The following PITPNM3 variants were observed in gnomAD, a reference collection of about 807,000 sequenced individuals.
PITPNM3 encodes PITPNM family member 3.
PITPNM3 carries 26 observed loss-of-function variants against 102.0 expected under a neutral mutation model. The ratio of observed to expected loss-of-function variants is 0.25; its 90% CI spans 0.19 to 0.35. The LOEUF (loss-of-function observed/expected upper bound fraction) is 0.35, where lower values mean the gene tolerates loss of function less well. Ranked by LOEUF, PITPNM3 falls within the 10% of genes least tolerant of loss-of-function variation. PITPNM3 has a pLI of 1.00. For missense variants in PITPNM3, 1,083 were observed against 1,346.1 expected, an observed-to-expected ratio of 0.80 and a Z score of 3.06; for synonymous variants, 578 against 558.6, an observed-to-expected ratio of 1.03 and a Z score of -0.49.
At chr17:6,464,046 C>T (rs1263613556) in intron 16 of PITPNM3, 124 bp downstream of exon 16, 2 of 1,558,282 alleles carry the variant, frequency 1.3e-6, no homozygotes, top group African/African-American at 2.7e-5. Flanking sequence ...CCATCCACCT[C>T]TGTCCATGCA....
Position 6,483,583 on chromosome 17 carries a change from C to T in PITPNM3, c.521G>A (p.Gly174Asp). 1 of 1,614,036 alleles carries T rather than the reference C, an allele frequency of 6.2e-7. No individual in the cohort carries two copies. The highest frequency in any genetic ancestry group is 8.5e-7 in the Non-Finnish European group (1 of 1,180,002). The change falls in exon 6 of 20, where the codon GGC (glycine) becomes GAC (aspartate). Residue 174 changes from glycine to aspartate, a missense_variant. Gly to Asp is a moderately conservative substitution (Grantham distance 94). Around this residue, in one of 5 missense-constraint regions of PITPNM3, gnomAD observed 290 missense variants for 337.8 expected, o/e 0.86. Transcript: ENST00000262483. ...GGGGACGAACTTGATGAGGATGTGG[C>T]CCAGGGCAGCAGGGAAATGGGCTCG... ...VTRAHFPAAL[G>D]HILIKFVPCP...
intron 10 of PITPNM3, among the ~76,000 whole-genome samples, chr17:6,473,596 G>A (rs369712336): frequency 2.6e-5 from 4 of 152,162 alleles, no homozygotes; most frequent in East Asian, 3.9e-4. Flanking sequence ...GTCCTTAAGA[G>A]TCACAGATAC....
chr17:6,465,950 A>G (rs1904744782), intron 14 of PITPNM3, among the ~76,000 whole-genome samples: 1 of 152,196 alleles, frequency 6.6e-6, no homozygotes, highest in South Asian at 2.1e-4. Context: ...TCCCTGCAAC[A>G]GATCCTCTGT....
At position 6,457,081 on chromosome 17, in the gene PITPNM3, C is replaced by A. The variant is rs779402641; in HGVS notation, c.2619+513G>T. On this transcript the variant is annotated intron_variant, in intron 19 of 19. Coordinates refer to ENST00000262483, the MANE Select transcript of PITPNM3 (RefSeq NM_031220.4). The surrounding 1 kb of genome is among the most constrained non-coding windows in gnomAD (Gnocchi z 4.7). ...TGACCGTTCTAGCCCCGCCCCCCCA[C>A]CTCCCAGCTCACGTCCCATGCAGCC... 6.6e-6 allele frequency among the ~76,000 whole-genome samples: 1 copy of A among 151,128 alleles called. No homozygotes were observed. Among genetic ancestry groups the A allele is most frequent in the Non-Finnish European group, 1.5e-5 (1 of 67,656 alleles).
In PITPNM3 at chr17:6,495,421, C is replaced by T. The variant is rs139388457; in HGVS notation, c.274+8106G>A. Among the ~76,000 whole-genome samples the T allele has an allele frequency of 3.9e-5, 6 of 152,266 alleles. No individual in the cohort carries two copies. In the East Asian group the frequency reaches 9.7e-4, roughly 25 times the overall value. On this transcript the variant is annotated intron_variant, in intron 4 of 19. Coordinates refer to ENST00000262483, the MANE Select transcript of PITPNM3 (RefSeq NM_031220.4). ...GGAAAGGATTTGGAGACAGAGAATG[C>T]TTCAGGGTGAAAAGAGATCCTCACA... is the stretch of plus-strand genomic sequence containing the variant.
rs776064719 is a variant in PITPNM3, at chr17:6,461,534, T to C, written c.2329A>G (p.Met777Val). 2 of 1,614,098 alleles carry C rather than the reference T, an allele frequency of 1.2e-6. No homozygotes were observed. The highest frequency in any genetic ancestry group is 2.2e-5 in the South Asian group (2 of 91,092). ...VVRHWQDLGY[M>V]ILYITGRPDM... ...GGCCGTCCCGTGATGTAAAGGATCA[T>C]GTAGCCCAAGTCCTGCCAGTGCCTG... is the stretch of plus-strand genomic sequence containing the variant. Residue 777 changes from methionine to valine, a missense_variant, in exon 18 of 20, where the codon ATG (methionine) becomes GTG (valine). Transcript: ENST00000262483.
chr17:6,466,014 C>A (rs547949453), intron 14 of PITPNM3, among the ~76,000 whole-genome samples: 1 of 152,224 alleles, frequency 6.6e-6, no homozygotes, highest in East Asian at 1.9e-4. Flanking sequence ...CTGCCCTCTG[C>A]GTAGAGTCCG....
chr17:6,504,603 G>T (rs1907378197), intron 3 of PITPNM3, among the ~76,000 whole-genome samples: 1 of 152,164 alleles, frequency 6.6e-6, no homozygotes, highest in Non-Finnish European at 1.5e-5. Context: ...CCTCTGGCCT[G>T]CTGTGTGATG....
At chr17:6,466,114 G>A (rs990990712) in intron 14 of PITPNM3, among the ~76,000 whole-genome samples, 14 of 152,144 alleles carry the variant, frequency 9.2e-5, no homozygotes, top group African/African-American at 2.9e-4. Flanking sequence ...GGTCCTTTCT[G>A]CCAGGCTCTG....
chr17:6,504,346 G>A (rs1597389384), intron 3 of PITPNM3, among the ~76,000 whole-genome samples: 1 of 151,718 alleles, frequency 6.6e-6, no homozygotes, highest in African/African-American at 2.4e-5. Context: ...TCACAACCCC[G>A]TGCCTGCCTC....
At chr17:6,518,804 G>T (rs1908326315) in intron 3 of PITPNM3, among the ~76,000 whole-genome samples, 3 of 152,174 alleles carry the variant, frequency 2.0e-5, no homozygotes, top group Admixed American at 2.0e-4. Flanking sequence ...GAATGAGAAA[G>T]AAGTCATAAC....
Position 6,468,106 on chromosome 17 carries a change from G to T in PITPNM3, c.1890+119C>A. The T allele has an allele frequency of 2.1e-6, 2 of 956,184 alleles. No homozygotes were observed. Among genetic ancestry groups the T allele is most frequent in the Non-Finnish European group, 3.3e-6 (2 of 601,712 alleles). 59.2% of individuals were successfully genotyped at this position (956,184 alleles called of 1,614,324 possible). ...AGTGTGAGCCCCAGCCTGTTTGGGT[G>T]CTGAGCTCTGAGGACAAATTGAAGC... On this transcript the variant is annotated intron_variant, in intron 14 of 19. Transcript: ENST00000262483. This position sits in a 1 kb window ranked among gnomAD's most constrained non-coding sequence, Gnocchi z 5.2.
intron 3 of PITPNM3, among the ~76,000 whole-genome samples, chr17:6,519,684 G>T (rs1157149726): frequency 2.6e-5 from 4 of 151,918 alleles, no homozygotes; most frequent in East Asian, 3.9e-4. Context: ...ATAAAAAGTA[G>T]CCAGGCATGG....
rs1328746608 is a variant in PITPNM3, at chr17:6,525,075, C to T, written c.226+281G>A. On this transcript the variant is annotated intron_variant, in intron 3 of 19. Transcript: ENST00000262483. Reference sequence around the variant, plus strand: ...CCTGGCAGTCCAAGGAGCTTGGACCCAGGCACCTGCCATTAACCACCCGTG... The same window carrying T: ...CCTGGCAGTCCAAGGAGCTTGGACCTAGGCACCTGCCATTAACCACCCGTG... 6.6e-5 allele frequency among the ~76,000 whole-genome samples: 10 copies of T among 152,140 alleles called. No homozygotes were observed. The East Asian group carries it at 1.9e-3, about 29-fold the overall frequency.
rs577418484 is a variant in PITPNM3, at chr17:6,503,481, C to T, written c.274+46G>A. 7.5e-6 allele frequency: 12 copies of T among 1,598,470 alleles called. No homozygotes were observed. The South Asian group carries it at 1.3e-4, about 18-fold the overall frequency. On this transcript the variant is annotated intron_variant, in intron 4 of 19. Coordinates refer to ENST00000262483, the MANE Select transcript of PITPNM3 (RefSeq NM_031220.4). ...GGACCCAGGCTCAATGAGCTTGCAC[C>T]CATCCAAGGGGAAGAAATGACCCCA...
intron 2 of PITPNM3, among the ~76,000 whole-genome samples, 179 bp from the exon 3 acceptor site, chr17:6,525,642 T>C (rs1365008529): frequency 6.6e-6 from 1 of 152,138 alleles, no homozygotes; most frequent in Non-Finnish European, 1.5e-5. Flanking sequence ...GATTTATCAT[T>C]GAAAGAAGGT....
chr17:6,516,252 G>C (rs1009617602), intron 3 of PITPNM3, among the ~76,000 whole-genome samples: 5 of 152,196 alleles, frequency 3.3e-5, no homozygotes, highest in Admixed American at 3.3e-4. Flanking sequence ...CGTGTGGTTA[G>C]AAAAGTCTCT....
Position 6,478,203 on chromosome 17 carries a change from C to A in PITPNM3, c.778-106G>T, listed in dbSNP as rs1905434325. On this transcript the variant is annotated intron_variant, in intron 7 of 19. Transcript: ENST00000262483. The surrounding 1 kb of genome is among the most constrained non-coding windows in gnomAD (Gnocchi z 4.4). ...CCCCACAGGAGAATGAGAAACTCGT[C>A]CTTGGGAGGTGTTGAGAGAGCCCAA... 2 of 1,562,688 alleles carry A rather than the reference C, an allele frequency of 1.3e-6. No homozygotes were observed. The highest frequency in any genetic ancestry group is 3.5e-5 in the Admixed American group (2 of 57,712).
chr17:6,544,817 G>C (rs1909932913), intron 1 of PITPNM3, among the ~76,000 whole-genome samples: 1 of 151,712 alleles, frequency 6.6e-6, no homozygotes. Context: ...TAGACACATA[G>C]AGCCCAGAGC....
Sources: allele counts gnomAD v4.1 joint callset (sites outside exome capture counted in the v4.1 genomes callset), GRCh38; gene constraint gnomAD v4.1.1; regional missense constraint gnomAD v4.1.1; non-coding constraint Gnocchi (gnomAD v3.1); transcripts MANE v1.5; gene names NCBI Gene and HGNC (gene_info 2026-07-23, HGNC 2026-07-21).